The following EXOC5 variants were observed in gnomAD, a reference collection of about 807,000 sequenced individuals.
EXOC5 encodes the protein SEC10-like 1.
Under a neutral mutation model 90.8 loss-of-function variants are expected in EXOC5, and 17 were observed. The ratio of observed to expected loss-of-function variants is 0.19; its 90% CI spans 0.13 to 0.28. The LOEUF (loss-of-function observed/expected upper bound fraction) is 0.28, where lower values mean the gene tolerates loss of function less well. Among genes scored for constraint, EXOC5 ranks in the 10% least tolerant of loss-of-function variants. The probability of loss-of-function intolerance (pLI) is 1.00; values close to 1 mark genes in which losing one functional copy is unlikely to be tolerated. For synonymous variants in EXOC5, 260 were observed against 270.0 expected, an observed-to-expected ratio of 0.96 and a Z score of 0.36; for missense variants, 569 against 830.6, an observed-to-expected ratio of 0.69 and a Z score of 3.87.
At chr14:57,232,629 ATC>A in intron 10 of EXOC5, 36 bp downstream of exon 10, 2 of 893,922 alleles carry the variant, frequency 2.2e-6, no homozygotes, top group Non-Finnish European at 3.4e-6. Context: ...AATTTAAAAA[ATC>A]TGTTATCTAT....
At chr14:57,215,214 A>G (rs529497637) in intron 15 of EXOC5, among the ~76,000 whole-genome samples, 25 of 152,096 alleles carry the variant, frequency 1.6e-4, no homozygotes, top group African/African-American at 6.0e-4. Context: ...CCTGGGCAAC[A>G]GAGGGAGACT....
chr14:57,244,715 C>G (rs1247925678), intron 3 of EXOC5, among the ~76,000 whole-genome samples: 1 of 152,152 alleles, frequency 6.6e-6, no homozygotes, highest in Non-Finnish European at 1.5e-5. Context: ...CTAAAGAGCT[C>G]TCTTGCTACT....
intron 1 of EXOC5, among the ~76,000 whole-genome samples, chr14:57,249,587 AG>A (rs1397869896): frequency 6.6e-6 from 1 of 152,144 alleles, no homozygotes; most frequent in Non-Finnish European, 1.5e-5. Flanking sequence ...TACGTGCTAG[AG>A]ACTATTCTAA....
At position 57,268,611 on chromosome 14, in the gene EXOC5, C is replaced by T; in HGVS notation, c.27+11G>A. Reference sequence around the variant, plus strand: ...GGGCCTGCCACTCCCTGTAGAGCCGCCGGGGCCCACCTCGAAGAGCTCGGC... The same window carrying T: ...GGGCCTGCCACTCCCTGTAGAGCCGTCGGGGCCCACCTCGAAGAGCTCGGC... On this transcript the variant is annotated intron_variant, in intron 1 of 17. Coordinates refer to ENST00000621441, the MANE Select transcript of EXOC5 (RefSeq NM_006544.4). 1.9e-6 allele frequency: 3 copies of T among 1,589,158 alleles called. No individual in the cohort carries two copies. Among genetic ancestry groups the T allele is most frequent in the African/African-American group, 1.3e-5 (1 of 74,524 alleles).
In EXOC5 at chr14:57,231,820, A is replaced by C. The variant is rs1422626853; in HGVS notation, c.939-105T>G. On this transcript the variant is annotated intron_variant, in intron 10 of 17. Transcript: ENST00000621441. ...AACGTGACTTTCATGACTTATGTTA[A>C]GCCACCATTTCTTAAACTCTGGGAG... is the stretch of plus-strand genomic sequence containing the variant. 6 of 717,950 alleles carry C rather than the reference A, an allele frequency of 8.4e-6. No homozygotes were observed. In the South Asian group the frequency reaches 9.5e-5, roughly 11 times the overall value. The allele number at this position is 717,950 out of a possible 1,614,324, so 44.5% of individuals were successfully genotyped here. A position where few individuals can be genotyped will look rare whatever the true frequency, so the allele number is the denominator to read the frequency against.
chr14:57,201,297 C>T lies in EXOC5; in HGVS notation c.*7312G>A, dbSNP rs1259702767. ...GAACATGCCAAAACGACACAGGAGA[C>T]AACCTGAAGAGGCTACTTCTGACCA... On this transcript the variant is annotated 3_prime_UTR_variant, in exon 18 of 18. Transcript: ENST00000621441. The T allele has an allele frequency of 2.0e-5, 3 of 151,690 alleles. No homozygotes were observed. The highest frequency in any genetic ancestry group is 4.4e-5 in the Non-Finnish European group (3 of 67,966). 9.4% of individuals were successfully genotyped at this position (151,690 alleles called of 1,614,324 possible). A position where few individuals can be genotyped will look rare whatever the true frequency, so the allele number is the denominator to read the frequency against.
chr14:57,216,416 A>G (rs1432329279), intron 15 of EXOC5, among the ~76,000 whole-genome samples: 1 of 152,174 alleles, frequency 6.6e-6, no homozygotes, highest in African/African-American at 2.4e-5. Context: ...TAATTAATGC[A>G]GTATGGTACT....
chr14:57,226,331 G>A (rs1883307962), intron 12 of EXOC5, among the ~76,000 whole-genome samples: 1 of 152,082 alleles, frequency 6.6e-6, no homozygotes, highest in Non-Finnish European at 1.5e-5. Flanking sequence ...CAGGATATAA[G>A]AGCAATATAT....
intron 1 of EXOC5, among the ~76,000 whole-genome samples, chr14:57,249,486 CA>C (rs566073631): frequency 9.7e-4 from 148 of 152,062 alleles, no homozygotes; most frequent in Admixed American, 2.4e-3. Context: ...TATTTACTGA[CA>C]AAAAATTAAG....
At chr14:57,255,134 A>T (rs1044871139) in intron 1 of EXOC5, among the ~76,000 whole-genome samples, 1 of 152,140 alleles carries the variant, frequency 6.6e-6, no homozygotes, top group Non-Finnish European at 1.5e-5. Context: ...CAGACACAGT[A>T]CAGACAACAT....
intron 15 of EXOC5, among the ~76,000 whole-genome samples, chr14:57,213,357 G>A (rs963897073): frequency 6.6e-6 from 1 of 151,412 alleles, no homozygotes; most frequent in Non-Finnish European, 1.5e-5. Context: ...ACACCAGCCT[G>A]GGTGACAGAG....
intron 1 of EXOC5, among the ~76,000 whole-genome samples, chr14:57,265,297 A>C (rs1335554725): frequency 1.3e-5 from 2 of 152,096 alleles, no homozygotes; most frequent in Non-Finnish European, 2.9e-5. Flanking sequence ...CTAACCAAGA[A>C]CTCTCCCGTA....
chr14:57,234,052 T>G lies in EXOC5; in HGVS notation c.670-20A>C. ...ATAACCCTACAAGGAAGAAACACAT[T>G]GTTATTATTCTGATTCAATTATAAT... On this transcript the variant is annotated intron_variant, in intron 7 of 17. Coordinates refer to ENST00000621441, the MANE Select transcript of EXOC5 (RefSeq NM_006544.4). The G allele has an allele frequency of 6.5e-7, 1 of 1,527,066 alleles. No homozygotes were observed. Among genetic ancestry groups the G allele is most frequent in the Non-Finnish European group, 9.1e-7 (1 of 1,103,044 alleles). 94.6% of individuals were successfully genotyped at this position (1,527,066 alleles called of 1,614,324 possible).
intron 10 of EXOC5, 80 bp from the exon 11 acceptor site, chr14:57,231,795 AACGTGACTTTCATG>A (rs1414407012): frequency 3.1e-6 from 3 of 955,520 alleles, no homozygotes; most frequent in Non-Finnish European, 4.7e-6. Context: ...AAATTTTTAC[AACGTGACTTTCATG>A]ACTTATGTTA....
chr14:57,268,515 C>T (rs1252813846), intron 1 of EXOC5, 107 bp downstream of exon 1: 10 of 1,536,700 alleles, frequency 6.5e-6, no homozygotes, highest in African/African-American at 1.4e-5. Context: ...CACCTCTCTC[C>T]CGAGGGCTCC....
intron 15 of EXOC5, among the ~76,000 whole-genome samples, chr14:57,212,298 G>T (rs1882851963): frequency 6.6e-6 from 1 of 152,218 alleles, no homozygotes; most frequent in Non-Finnish European, 1.5e-5. Context: ...TTGTTATCCA[G>T]TCCAGCTTCC....
intron 4 of EXOC5, among the ~76,000 whole-genome samples, chr14:57,240,094 C>T (rs1883811655): frequency 6.6e-6 from 1 of 152,048 alleles, no homozygotes; most frequent in African/African-American, 2.4e-5. Context: ...AAGTTAAATG[C>T]CTGTCATTAC....
intron 1 of EXOC5, among the ~76,000 whole-genome samples, chr14:57,266,880 G>A (rs1322288283): frequency 1.3e-5 from 2 of 151,512 alleles, no homozygotes; most frequent in Admixed American, 1.3e-4. Flanking sequence ...TTCCAAATAA[G>A]TTACTGAAAT....
Position 57,237,382 on chromosome 14 carries a change from C to T in EXOC5, c.531-16G>A, listed in dbSNP as rs2139643406. 1 of 1,518,362 alleles carries T rather than the reference C, an allele frequency of 6.6e-7. No individual in the cohort carries two copies. Among genetic ancestry groups the T allele is most frequent in the South Asian group, 1.2e-5 (1 of 82,738 alleles). 94.1% of individuals were successfully genotyped at this position (1,518,362 alleles called of 1,614,324 possible). A position where few individuals can be genotyped will look rare whatever the true frequency, so the allele number is the denominator to read the frequency against. On this transcript the variant is annotated splice_polypyrimidine_tract_variant and intron_variant, in intron 5 of 17. Coordinates refer to ENST00000621441, the MANE Select transcript of EXOC5 (RefSeq NM_006544.4). ...TTCTGAAAATCTGAAAGACAAAAACCAACCATGAGGTTTGTTAGTTGTGAT... is the reference window on the plus strand; with the variant it reads ...TTCTGAAAATCTGAAAGACAAAAACTAACCATGAGGTTTGTTAGTTGTGAT...
Sources: gnomAD v4.1 joint callset for allele counts (sites outside exome capture counted in the v4.1 genomes callset) on GRCh38, gnomAD v4.1.1 for gene constraint, MANE v1.5 for transcripts, NCBI Gene and HGNC (gene_info 2026-07-23, HGNC 2026-07-21) for gene names.